KCNA10: variants seen among roughly 807,000 people sequenced by gnomAD.
The protein encoded by KCNA10 is cyclic GMP gated potassium channel.
KCNA10 carries 16 observed loss-of-function variants against 21.4 expected under a neutral mutation model. The observed-to-expected ratio is 0.75, with a 90% CI of 0.51 to 1.14. The LOEUF (loss-of-function observed/expected upper bound fraction) is 1.14. Ranked by LOEUF, KCNA10 falls within the 50% of genes most tolerant of loss-of-function variation. The pLI, the probability that KCNA10 is intolerant of heterozygous loss-of-function variation, is 0.00. For missense variants in KCNA10, 677 were observed against 649.1 expected (o/e 1.04, Z -0.47); for synonymous variants, 276 against 245.9 (o/e 1.12, Z -1.15).
At position 110,518,089 on chromosome 1, in the gene KCNA10, G is replaced by A; in HGVS notation, c.699C>T (p.Phe233=). The A allele has an allele frequency of 6.2e-7, 1 of 1,613,738 alleles. No homozygotes were observed. Among genetic ancestry groups the A allele is most frequent in the Non-Finnish European group, 8.5e-7 (1 of 1,179,944 alleles). Residue 233 remains phenylalanine, a synonymous_variant, in exon 1 of 1, where the codon TTC becomes TTT. Transcript: ENST00000369771. ...VLVVVISITI[F]CLETLPEFRE... The stretch of plus-strand genomic sequence containing the variant: ...GGAACTCTGGCAGTGTCTCCAGGCA[G>A]AAGATGGTGATGGAGATGACCACAA...
rs190117605 is a variant in KCNA10 at position 110,517,695 on chromosome 1, C to A, written c.1093G>T (p.Gly365Trp). The change falls in exon 1 of 1, where the codon GGG becomes TGG. Residue 365 changes from glycine to tryptophan, a missense_variant. Coordinates refer to ENST00000369771, the MANE Select transcript of KCNA10 (RefSeq NM_005549.2). ...SRHSKGLQIL[G>W]QTLKASMREL... ...CGCATGGACGCCTTCAGTGTTTGCC[C>A]GAGGATCTGCAGCCCCTTGGAGTGG... 1 of 1,614,102 alleles carries A rather than the reference C, an allele frequency of 6.2e-7. No individual in the cohort carries two copies. The highest frequency in any genetic ancestry group is 1.7e-5 in the Admixed American group (1 of 60,016).
rs1358720517 is a variant in KCNA10, at chr1:110,517,316, A to G, written c.1472T>C (p.Met491Thr). The change falls in exon 1 of 1, where the codon ATG (methionine) becomes ACG (threonine). Residue 491 changes from methionine to threonine, a missense_variant. Coordinates refer to ENST00000369771, the MANE Select transcript of KCNA10 (RefSeq NM_005549.2). ...ERILNSVGSR[M>T]GSTDSLNKTN... ...CTTATTAAGAGAGTCTGTGCTGCCCATTCTTGAGCCTACACTGTTGAGGAT... is the reference window on the plus strand; with the variant it reads ...CTTATTAAGAGAGTCTGTGCTGCCCGTTCTTGAGCCTACACTGTTGAGGAT... 3 of 1,614,064 alleles carry G rather than the reference A, an allele frequency of 1.9e-6. No individual in the cohort carries two copies. Among genetic ancestry groups the G allele is most frequent in the Admixed American group, 1.7e-5 (1 of 60,008 alleles).
At position 110,517,558 on chromosome 1, in the gene KCNA10, A is replaced by C. The variant is rs375264595; in HGVS notation, c.1230T>G (p.Asp410Glu). Residue 410 changes from aspartate (D) to glutamate (E), a missense_variant, in exon 1 of 1, where the codon GAT (aspartate) becomes GAG (glutamate). Physicochemically the swap from Asp to Glu is conservative, Grantham distance 45 (BLOSUM62 2). Coordinates refer to ENST00000369771, the MANE Select transcript of KCNA10 (RefSeq NM_005549.2). Reference sequence around the variant, plus strand: ...TGGTGACCACTGCCCACCAGAAGCCATCAGGAATGCTAGAGAAATGGGACT... The same window carrying C: ...TGGTGACCACTGCCCACCAGAAGCCCTCAGGAATGCTAGAGAAATGGGACT... ...EPESHFSSIP[D>E]GFWWAVVTMT... The C allele has an allele frequency of 3.1e-6, 5 of 1,614,092 alleles. No homozygotes were observed. The highest frequency in any genetic ancestry group is 4.2e-6 in the Non-Finnish European group (5 of 1,180,040).
chr1:110,518,810 C>A lies in KCNA10; in HGVS notation c.-23G>T, dbSNP rs777686316. 2.7e-6 allele frequency: 4 copies of A among 1,498,594 alleles called. No individual in the cohort carries two copies. Among genetic ancestry groups the A allele is most frequent in the Admixed American group, 2.3e-5 (1 of 43,150 alleles). The allele number at this position is 1,498,594 out of a possible 1,614,324, so 92.8% of individuals were successfully genotyped here. A position where few individuals can be genotyped will look rare whatever the true frequency, so the allele number is the denominator to read the frequency against. On this transcript the variant is annotated 5_prime_UTR_variant, in exon 1 of 1. An upstream start codon of the reference 5' UTR is lost. Transcript: ENST00000369771. ...CATTCTAGGGGAGCCAGGGAAGAAG[C>A]ATGAAGATCCTCAGCCTTCACTGCC...
Position 110,517,722 on chromosome 1 carries a change from G to A in KCNA10, c.1066C>T (p.Arg356Cys), listed in dbSNP as rs768535829. Residue 356 changes from arginine (R) to cysteine (C), a missense_variant, in exon 1 of 1, where the codon CGC becomes TGC. Coordinates refer to ENST00000369771, the MANE Select transcript of KCNA10 (RefSeq NM_005549.2). ...VRVFRIFKLS[R>C]HSKGLQILGQ... ...AGGATCTGCAGCCCCTTGGAGTGGC[G>A]CGAGAGCTTGAAGATGCGGAAGACC... The A allele has an allele frequency of 1.6e-5, 26 of 1,614,052 alleles. No homozygotes were observed. Among genetic ancestry groups the A allele is most frequent in the Middle Eastern group, 1.6e-4 (1 of 6,084 alleles).
At position 110,518,550 on chromosome 1, in the gene KCNA10, C is replaced by G. The variant is rs1381482305; in HGVS notation, c.238G>C (p.Val80Leu). Reference protein sequence around the residue: ...YADPPGPEPVVLNEGNQRVII... With the variant: ...YADPPGPEPVLLNEGNQRVII... Reference sequence around the variant, plus strand: ...ACCCGCTGGTTTCCTTCATTTAGGACCACTGGCTCAGGCCCTGGGGGGTCA... The same window carrying G: ...ACCCGCTGGTTTCCTTCATTTAGGAGCACTGGCTCAGGCCCTGGGGGGTCA... Residue 80 changes from valine (V) to leucine (L), a missense_variant, in exon 1 of 1, where the codon GTC becomes CTC. Coordinates refer to ENST00000369771, the MANE Select transcript of KCNA10 (RefSeq NM_005549.2). 2.5e-6 allele frequency: 4 copies of G among 1,614,054 alleles called. No individual in the cohort carries two copies. Among genetic ancestry groups the G allele is most frequent in the African/African-American group, 1.3e-5 (1 of 74,910 alleles).
Position 110,518,689 on chromosome 1 carries a change from G to T in KCNA10, c.99C>A (p.Asp33Glu). 3 of 1,614,176 alleles carry T rather than the reference G, an allele frequency of 1.9e-6. No individual in the cohort carries two copies. In the South Asian group the frequency reaches 3.3e-5, roughly 18 times the overall value. Residue 33 changes from aspartate (D) to glutamate (E), a missense_variant, in exon 1 of 1, where the codon GAC becomes GAA. By Grantham distance (45) the Asp-to-Glu change is conservative. Transcript: ENST00000369771. Reference sequence around the variant, plus strand: ...CAGGCCGGCCTTTTGGGCTGGTTGAGTCGAAGTCTGTGGCATAGCCTGGCT... The same window carrying T: ...CAGGCCGGCCTTTTGGGCTGGTTGATTCGAAGTCTGTGGCATAGCCTGGCT... ...QEEPGYATDF[D>E]STSPKGRPGG...
rs1210469520 is a variant in KCNA10, at chr1:110,518,743, A to G, written c.45T>C (p.Asn15=). ...GWKEMEVALV[N]FDNSDEIQEE... ...CTTGGATTTCATCTGAATTATCAAA[A>G]TTGACCAGCGCAACCTCCATTTCTT... The change falls in exon 1 of 1, where the codon AAT becomes AAC. Residue 15 remains asparagine, a synonymous_variant. Transcript: ENST00000369771. 6.2e-7 allele frequency: 1 copy of G among 1,606,614 alleles called. No homozygotes were observed. Among genetic ancestry groups the G allele is most frequent in the Admixed American group, 1.7e-5 (1 of 59,268 alleles).
Position 110,517,922 on chromosome 1 carries a change from C to A in KCNA10, c.866G>T (p.Arg289Leu). Residue 289 changes from arginine (R) to leucine (L), a missense_variant, in exon 1 of 1, where the codon CGG (arginine) becomes CTG (leucine). Transcript: ENST00000369771. ...AGTCTTGCTGGGGCAGACCACGAAC[C>A]GGAGCACCAGCTCGAAGGTGAACCA... ...IVWFTFELVL[R>L]FVVCPSKTDF... 4 of 1,613,732 alleles carry A rather than the reference C, an allele frequency of 2.5e-6. No homozygotes were observed. The South Asian group carries it at 3.3e-5, about 13-fold the overall frequency.
At position 110,517,796 on chromosome 1, in the gene KCNA10, G is replaced by A; in HGVS notation, c.992C>T (p.Ala331Val). The A allele has an allele frequency of 1.2e-6, 2 of 1,614,110 alleles. No homozygotes were observed. Among genetic ancestry groups the A allele is most frequent in the South Asian group, 2.2e-5 (2 of 91,068 alleles). ...TELVQETEPS[A>V]QQNMSLAILR... is the part of the protein sequence containing the mutation. The stretch of plus-strand genomic sequence containing the variant: ...GATGGCCAGGGACATGTTCTGTTGG[G>A]CACTCGGCTCTGTCTCCTGGACTAG... Residue 331 changes from alanine to valine, a missense_variant, in exon 1 of 1, where the codon GCC becomes GTC. By Grantham distance (64) the Ala-to-Val change is moderately conservative (BLOSUM62 0). Coordinates refer to ENST00000369771, the MANE Select transcript of KCNA10 (RefSeq NM_005549.2).
chr1:110,518,557 C>A lies in KCNA10; in HGVS notation c.231G>T (p.Glu77Asp), dbSNP rs1647295474. 1 of 1,614,196 alleles carries A rather than the reference C, an allele frequency of 6.2e-7. No individual in the cohort carries two copies. Among genetic ancestry groups the A allele is most frequent in the African/African-American group, 1.3e-5 (1 of 75,050 alleles). ...PGDYADPPGP[E>D]PVVLNEGNQR... ...GGTTTCCTTCATTTAGGACCACTGGCTCAGGCCCTGGGGGGTCAGCATAGT... is the reference window on the plus strand; with the variant it reads ...GGTTTCCTTCATTTAGGACCACTGGATCAGGCCCTGGGGGGTCAGCATAGT... Residue 77 changes from glutamate to aspartate, a missense_variant, in exon 1 of 1, where the codon GAG becomes GAT. Transcript: ENST00000369771.
At position 110,517,427 on chromosome 1, in the gene KCNA10, G is replaced by A; in HGVS notation, c.1361C>T (p.Pro454Leu). The change falls in exon 1 of 1, where the codon CCT becomes CTT. Residue 454 changes from proline to leucine, a missense_variant. Coordinates refer to ENST00000369771, the MANE Select transcript of KCNA10 (RefSeq NM_005549.2). ...GTAATTGAAGTTGGAGACAATGACA[G>A]GCACAGGGAGGGCAATGGTGAGGAC... is the stretch of plus-strand genomic sequence containing the variant. ...AGVLTIALPV[P>L]VIVSNFNYFY... 4 of 1,614,226 alleles carry A rather than the reference G, an allele frequency of 2.5e-6. No homozygotes were observed. The highest frequency in any genetic ancestry group is 3.4e-6 in the Non-Finnish European group (4 of 1,180,036).
chr1:110,517,563 G>A lies in KCNA10; in HGVS notation c.1225C>T (p.Pro409Ser), dbSNP rs1647249161. 6.2e-7 allele frequency: 1 copy of A among 1,614,168 alleles called. No individual in the cohort carries two copies. Among genetic ancestry groups the A allele is most frequent in the Non-Finnish European group, 8.5e-7 (1 of 1,180,036 alleles). ...DEPESHFSSI[P>S]DGFWWAVVTM... ...ACCACTGCCCACCAGAAGCCATCAG[G>A]AATGCTAGAGAAATGGGACTCTGGC... Residue 409 changes from proline to serine, a missense_variant, in exon 1 of 1, where the codon CCT (proline) becomes TCT (serine). Physicochemically the swap from Pro to Ser is moderately conservative, Grantham distance 74. Coordinates refer to ENST00000369771, the MANE Select transcript of KCNA10 (RefSeq NM_005549.2).
chr1:110,517,854 T>C lies in KCNA10; in HGVS notation c.934A>G (p.Ile312Val). The change falls in exon 1 of 1, where the codon ATT becomes GTT. Residue 312 changes from isoleucine (I) to valine (V), a missense_variant. Transcript: ENST00000369771. ...ATGAGAGTTGCAAAGTAGGGGATAA[T>C]GGAGATGATGTCAATGATGTTCATG... is the stretch of plus-strand genomic sequence containing the variant. ...NIMNIIDIIS[I>V]IPYFATLITE... 1 of 1,613,956 alleles carries C rather than the reference T, an allele frequency of 6.2e-7. No homozygotes were observed. The highest frequency in any genetic ancestry group is 8.5e-7 in the Non-Finnish European group (1 of 1,179,984).
chr1:110,517,877 A>C lies in KCNA10; in HGVS notation c.911T>G (p.Met304Arg), dbSNP rs1375646652. 3 of 1,613,950 alleles carry C rather than the reference A, an allele frequency of 1.9e-6. No individual in the cohort carries two copies. Among genetic ancestry groups the C allele is most frequent in the African/African-American group, 2.7e-5 (2 of 74,894 alleles). The change falls in exon 1 of 1, where the codon ATG (methionine) becomes AGG (arginine). Residue 304 changes from methionine (M) to arginine (R), a missense_variant. Coordinates refer to ENST00000369771, the MANE Select transcript of KCNA10 (RefSeq NM_005549.2). ...AATGGAGATGATGTCAATGATGTTC[A>C]TGATGTTCCTGAAGAAGTCAGTCTT... Reference protein sequence around the residue: ...PSKTDFFRNIMNIIDIISIIP... With the variant: ...PSKTDFFRNIRNIIDIISIIP...
Position 110,517,343 on chromosome 1 carries a change from CTT to C in KCNA10, c.1443_1444del (p.Arg482AsnfsTer16). On this transcript the variant is annotated frameshift_variant, in exon 1 of 1. Transcript: ENST00000369771. LOFTEE classifies it high-confidence loss of function. ...TCTTGAGCCTACACTGTTGAGGATT[CTT>C]TCAATTTCTCCTGGGATGTTCTGCT... 1 of 1,614,178 alleles carries C rather than the reference CTT, an allele frequency of 6.2e-7. No individual in the cohort carries two copies.
Position 110,518,649 on chromosome 1 carries a change from A to G in KCNA10, c.139T>C (p.Ser47Pro). The change falls in exon 1 of 1, where the codon TCC (serine) becomes CCC (proline). Residue 47 changes from serine (S) to proline (P), a missense_variant. Transcript: ENST00000369771. Reference protein sequence around the residue: ...PKGRPGGSSFSNGKILISEST... With the variant: ...PKGRPGGSSFPNGKILISEST... The stretch of plus-strand genomic sequence containing the variant: ...TCGCTGATGAGGATCTTCCCGTTGG[A>G]GAAGGAGCTGCCCCCAGGCCGGCCT... The G allele has an allele frequency of 6.2e-7, 1 of 1,614,142 alleles. No individual in the cohort carries two copies. Among genetic ancestry groups the G allele is most frequent in the Non-Finnish European group, 8.5e-7 (1 of 1,180,018 alleles).
At position 110,517,726 on chromosome 1, in the gene KCNA10, G is replaced by C. The variant is rs2101233372; in HGVS notation, c.1062C>G (p.Leu354=). The change falls in exon 1 of 1, where the codon CTC becomes CTG. Residue 354 remains leucine, a synonymous_variant. Coordinates refer to ENST00000369771, the MANE Select transcript of KCNA10 (RefSeq NM_005549.2). The part of the protein sequence containing the change: ...RLVRVFRIFK[L]SRHSKGLQIL... The stretch of plus-strand genomic sequence containing the variant: ...TCTGCAGCCCCTTGGAGTGGCGCGA[G>C]AGCTTGAAGATGCGGAAGACCCTCA... 1 of 1,614,196 alleles carries C rather than the reference G, an allele frequency of 6.2e-7. No homozygotes were observed. Among genetic ancestry groups the C allele is most frequent in the South Asian group, 1.1e-5 (1 of 91,072 alleles).
Position 110,518,613 on chromosome 1 carries a change from G to A in KCNA10, c.175C>T (p.His59Tyr). 2 of 1,614,194 alleles carry A rather than the reference G, an allele frequency of 1.2e-6. No homozygotes were observed. Among genetic ancestry groups the A allele is most frequent in the Non-Finnish European group, 1.7e-6 (2 of 1,180,030 alleles). The change falls in exon 1 of 1, where the codon CAT becomes TAT. Residue 59 changes from histidine (H) to tyrosine (Y), a missense_variant. Physicochemically the swap from His to Tyr is moderately conservative, Grantham distance 83. Transcript: ENST00000369771. ...GKILISESTN[H>Y]ETAFSKLPGD... Reference sequence around the variant, plus strand: ...GGAAGCTTGGAGAAGGCCGTCTCATGGTTGGTGCTTTCGCTGATGAGGATC... The same window carrying A: ...GGAAGCTTGGAGAAGGCCGTCTCATAGTTGGTGCTTTCGCTGATGAGGATC...
Sources: allele counts gnomAD v4.1 joint callset, GRCh38; gene constraint gnomAD v4.1.1; transcripts MANE v1.5; gene names NCBI Gene and HGNC (gene_info 2026-07-23, HGNC 2026-07-21).